RHEX: variants seen among roughly 807,000 people sequenced by gnomAD.
The protein encoded by RHEX is regulator of hemoglobinization and erythroid cell expansion protein.
RHEX carries 18 observed loss-of-function variants against 20.1 expected under a neutral mutation model. The ratio of observed to expected loss-of-function variants is 0.90; its 90% CI spans 0.62 to 1.33. The LOEUF (loss-of-function observed/expected upper bound fraction) is 1.33. Ranked by LOEUF, RHEX falls within the 40% of genes most tolerant of loss-of-function variation. The pLI, the probability that RHEX is intolerant of heterozygous loss-of-function variation, is 0.00. For synonymous variants in RHEX, 87 were observed against 77.1 expected, an observed-to-expected ratio of 1.13 and a Z score of -0.67; for missense variants, 192 against 214.3, an observed-to-expected ratio of 0.90 and a Z score of 0.65.
At chr1:206,098,385 A>G in intron 3 of RHEX, 1 of 538,266 alleles carries the variant, frequency 1.9e-6, no homozygotes, top group African/African-American at 1.9e-5. Flanking sequence ...CTTTTAACCA[A>G]CTATTTCTGG....
At chr1:206,076,485 TGG>T (rs1662639107) in intron 1 of RHEX, among the ~76,000 whole-genome samples, 1 of 152,214 alleles carries the variant, frequency 6.6e-6, no homozygotes, top group Non-Finnish European at 1.5e-5. Context: ...CTTTTATGCT[TGG>T]TTTCATAAAC....
At chr1:206,081,251 C>G (rs1239527911) in intron 1 of RHEX, among the ~76,000 whole-genome samples, 3 of 152,160 alleles carry the variant, frequency 2.0e-5, no homozygotes, top group Admixed American at 2.0e-4. Flanking sequence ...TTATCCATGC[C>G]ACAAACATGT....
intron 1 of RHEX, among the ~76,000 whole-genome samples, chr1:206,082,986 A>G (rs1283198510): frequency 6.6e-6 from 1 of 152,106 alleles, no homozygotes; most frequent in Non-Finnish European, 1.5e-5. Flanking sequence ...TATCCCACAA[A>G]CTGTAACAGC....
At chr1:206,091,227 A>G (rs117143002) in intron 1 of RHEX, among the ~76,000 whole-genome samples, 1,911 of 152,290 alleles carry the variant, frequency 0.013, 54 homozygotes, top group Admixed American at 0.071. Flanking sequence ...GTATATAAAA[A>G]TTTCTGCCAC....
At chr1:206,069,762 T>C (rs1553284484) in intron 1 of RHEX, among the ~76,000 whole-genome samples, 1 of 151,914 alleles carries the variant, frequency 6.6e-6, no homozygotes, top group Non-Finnish European at 1.5e-5. Context: ...TGAGTACGGA[T>C]TCTTCCTACC....
chr1:206,087,175 G>C (rs1553286484), intron 1 of RHEX, among the ~76,000 whole-genome samples: 1 of 152,222 alleles, frequency 6.6e-6, no homozygotes, highest in Non-Finnish European at 1.5e-5. Context: ...ATACTCGCTT[G>C]TGTGGTCGCT....
At chr1:206,097,238 C>A (rs1169968788) in intron 1 of RHEX, among the ~76,000 whole-genome samples, 2 of 152,190 alleles carry the variant, frequency 1.3e-5, no homozygotes, top group African/African-American at 4.8e-5. Context: ...GTCCCTCCCT[C>A]CTGCCTCCCT....
At chr1:206,062,895 A>G (rs1662333293) in intron 1 of RHEX, among the ~76,000 whole-genome samples, 1 of 152,348 alleles carries the variant, frequency 6.6e-6, no homozygotes, top group East Asian at 1.9e-4. Context: ...GGAATACAGC[A>G]GTGATCCCAA....
At chr1:206,063,223 A>G (rs1166376883) in intron 1 of RHEX, among the ~76,000 whole-genome samples, 2 of 152,156 alleles carry the variant, frequency 1.3e-5, no homozygotes, top group Non-Finnish European at 2.9e-5. Flanking sequence ...AAGAAAAGCG[A>G]GGAGATGAAT....
chr1:206,085,247 G>A (rs1463335668), intron 1 of RHEX, among the ~76,000 whole-genome samples: 1 of 152,154 alleles, frequency 6.6e-6, no homozygotes, highest in Non-Finnish European at 1.5e-5. Context: ...ACATTGAAAT[G>A]CTTTTTCCAT....
chr1:206,066,512 G>T (rs1553284183), intron 1 of RHEX, among the ~76,000 whole-genome samples: 1 of 152,234 alleles, frequency 6.6e-6, no homozygotes, highest in African/African-American at 2.4e-5. Context: ...AGCTACTCCG[G>T]AGGCTGAGGC....
At chr1:206,068,220 C>A (rs1029837412) in intron 1 of RHEX, among the ~76,000 whole-genome samples, 13 of 152,146 alleles carry the variant, frequency 8.5e-5, no homozygotes, top group Admixed American at 8.5e-4. Context: ...GTTAATGAGG[C>A]TTTGAAAATG....
At chr1:206,087,616 G>T (rs1181566105) in intron 1 of RHEX, among the ~76,000 whole-genome samples, 1 of 152,128 alleles carries the variant, frequency 6.6e-6, no homozygotes, top group Non-Finnish European at 1.5e-5. Flanking sequence ...CATGTGCATG[G>T]ACCACTCGAT....
At chr1:206,070,599 A>G (rs1345301403) in intron 1 of RHEX, among the ~76,000 whole-genome samples, 1 of 152,232 alleles carries the variant, frequency 6.6e-6, no homozygotes, top group Non-Finnish European at 1.5e-5. Flanking sequence ...TTTCTACTGT[A>G]CTGGGGAATA....
At chr1:206,100,656 G>C (rs1414582292) in intron 4 of RHEX, among the ~76,000 whole-genome samples, 2 of 152,122 alleles carry the variant, frequency 1.3e-5, no homozygotes, top group African/African-American at 4.8e-5. Context: ...CAACCCTCTT[G>C]TCTTGGGGGT....
chr1:206,098,315 T>G, intron 3 of RHEX, 134 bp downstream of exon 3: 2 of 633,870 alleles, frequency 3.2e-6, no homozygotes, highest in Non-Finnish European at 5.8e-6. Context: ...GCCAAATTCC[T>G]TCCCACCGCT....
At chr1:206,080,783 T>C (rs1662719693) in intron 1 of RHEX, among the ~76,000 whole-genome samples, 1 of 152,116 alleles carries the variant, frequency 6.6e-6, no homozygotes, top group African/African-American at 2.4e-5. Context: ...CCATTCCCAG[T>C]AGCCTCTGAG....
intron 1 of RHEX, among the ~76,000 whole-genome samples, chr1:206,066,666 G>A (rs945149859): frequency 2.6e-5 from 4 of 152,168 alleles, no homozygotes; most frequent in Non-Finnish European, 4.4e-5. Context: ...GCCTCTGGCT[G>A]AAACTGAAAG....
At chr1:206,090,760 T>A (rs1178034045) in intron 1 of RHEX, among the ~76,000 whole-genome samples, 2 of 151,956 alleles carry the variant, frequency 1.3e-5, no homozygotes, top group African/African-American at 4.8e-5. Context: ...AATTTTCTTA[T>A]AATTAATATT....
Sources: allele counts gnomAD v4.1 joint callset (sites outside exome capture counted in the v4.1 genomes callset), GRCh38; gene constraint gnomAD v4.1.1; transcripts MANE v1.5; gene names NCBI Gene and HGNC (gene_info 2026-07-23, HGNC 2026-07-21).